The following RBFOX1 variants were observed in gnomAD, a reference collection of about 807,000 sequenced individuals.
RBFOX1 encodes the protein RNA binding protein fox-1 homolog 1.
RBFOX1 carries 8 observed loss-of-function variants against 57.7 expected under a neutral mutation model. The ratio of observed to expected loss-of-function variants is 0.14; its 90% CI spans 0.08 to 0.25. The LOEUF (loss-of-function observed/expected upper bound fraction) is 0.25, where lower values mean the gene tolerates loss of function less well. Ranked by LOEUF, RBFOX1 falls within the 10% of genes least tolerant of loss-of-function variation. The pLI is 1.00. For missense variants in RBFOX1, 611 were observed against 548.5 expected (o/e 1.11, Z -1.14); for synonymous variants, 326 against 222.4 (o/e 1.47, Z -4.15).
intron 1 of RBFOX1, among the ~76,000 whole-genome samples, chr16:6,104,638 C>T (rs897685795): frequency 1.3e-5 from 2 of 152,106 alleles, no homozygotes; most frequent in Non-Finnish European, 2.9e-5. Context: ...TTCAAAATAG[C>T]CCAGAAGTGT....
At chr16:5,775,229 C>G (rs1813371818) in intron 3 of RBFOX1, among the ~76,000 whole-genome samples, 2 of 152,182 alleles carry the variant, frequency 1.3e-5, no homozygotes, top group Non-Finnish European at 2.9e-5. Context: ...AATGTATCTC[C>G]TTACTCAACC....
intron 2 of RBFOX1, among the ~76,000 whole-genome samples, chr16:6,355,495 T>C (rs1052966946): frequency 1.3e-5 from 2 of 152,210 alleles, no homozygotes; most frequent in Admixed American, 1.3e-4. Context: ...TAGTATTCCA[T>C]GGTGTATGTG....
chr16:6,262,263 C>T (rs943426946), intron 1 of RBFOX1, among the ~76,000 whole-genome samples: 6 of 152,116 alleles, frequency 3.9e-5, no homozygotes, highest in African/African-American at 1.4e-4. Flanking sequence ...GTCACATTTC[C>T]TCTCTTTAAG....
chr16:7,685,079 A>G (rs981420792), intron 14 of RBFOX1, among the ~76,000 whole-genome samples: 6 of 152,074 alleles, frequency 3.9e-5, no homozygotes, highest in African/African-American at 1.4e-4. Flanking sequence ...GTGAGAATGT[A>G]GAATCCCAAA....
intron 4 of RBFOX1, among the ~76,000 whole-genome samples, chr16:5,885,803 C>G (rs141218308): frequency 6.6e-6 from 1 of 152,232 alleles, no homozygotes; most frequent in African/African-American, 2.4e-5. Context: ...GACCAGGTGC[C>G]CTAAAGTATC....
At chr16:6,668,943 G>T (rs560736762) in intron 3 of RBFOX1, among the ~76,000 whole-genome samples, 1 of 152,258 alleles carries the variant, frequency 6.6e-6, no homozygotes, top group South Asian at 2.1e-4. Flanking sequence ...TAAAAAGATG[G>T]CAGTGGCTTT....
chr16:5,922,484 C>T (rs887797795), intron 4 of RBFOX1, among the ~76,000 whole-genome samples: 1 of 152,162 alleles, frequency 6.6e-6, no homozygotes, highest in Admixed American at 6.5e-5. Flanking sequence ...ACTGGAAGTT[C>T]CTGCCCAGCT....
intron 1 of RBFOX1, among the ~76,000 whole-genome samples, chr16:5,426,873 G>T (rs2067576788): frequency 6.6e-6 from 1 of 152,188 alleles, no homozygotes; most frequent in Non-Finnish European, 1.5e-5. Context: ...TGCAGGGGCT[G>T]CAACCATCCC....
rs147552209 is a variant in RBFOX1 at position 7,013,896 on chromosome 16, A to C, written c.-15-38161A>C. ...CATTCTTGAGCTCTTGATCTCCAAAAATCTTCCTGCCTCAGCCTCCCAAAG... is the reference window on the plus strand; with the variant it reads ...CATTCTTGAGCTCTTGATCTCCAAACATCTTCCTGCCTCAGCCTCCCAAAG... On this transcript the variant is annotated intron_variant, in intron 3 of 15. Coordinates refer to ENST00000550418, the MANE Select transcript of RBFOX1 (RefSeq NM_018723.4). Among the ~76,000 whole-genome samples, 27 of 152,144 alleles carry C rather than the reference A, an allele frequency of 1.8e-4. No individual in the cohort carries two copies. In the East Asian group the frequency reaches 3.5e-3, roughly 20 times the overall value.
intron 3 of RBFOX1, among the ~76,000 whole-genome samples, chr16:6,941,477 G>T (rs78240750): frequency 2.0e-5 from 3 of 151,762 alleles, no homozygotes; most frequent in Admixed American, 6.6e-5. Context: ...TAAAAGTGCC[G>T]TAAACTTTTG....
intron 4 of RBFOX1, among the ~76,000 whole-genome samples, chr16:7,193,370 A>G (rs1361303330): frequency 6.6e-6 from 1 of 152,248 alleles, no homozygotes; most frequent in Non-Finnish European, 1.5e-5. Flanking sequence ...AACATGCCCC[A>G]CAAACTCCTT....
chr16:6,676,802 A>G (rs8057410), intron 3 of RBFOX1, among the ~76,000 whole-genome samples: 39,470 of 149,756 alleles, frequency 0.26, 5,354 homozygotes, highest in African/African-American at 0.32. Flanking sequence ...CAGCCTCCCT[A>G]GTAGCTGGGA....
intron 1 of RBFOX1, among the ~76,000 whole-genome samples, chr16:6,164,046 CAAAA>C: frequency 6.6e-6 from 1 of 152,268 alleles, no homozygotes; most frequent in Non-Finnish European, 1.5e-5. Context: ...TCTTATTTAA[CAAAA>C]ATTGCTGATA....
chr16:6,055,442 A>T (rs1307875628), intron 1 of RBFOX1, among the ~76,000 whole-genome samples: 3 of 151,770 alleles, frequency 2.0e-5, no homozygotes, highest in African/African-American at 4.8e-5. Context: ...AAAATACAAA[A>T]ATTAGCGAGG....
rs1237894400 is a variant in RBFOX1, at chr16:7,132,779, TG to T, written c.27+80682del. Among the ~76,000 whole-genome samples the T allele has an allele frequency of 2.0e-5, 3 of 152,098 alleles. No individual in the cohort carries two copies. In the East Asian group the frequency reaches 5.8e-4, roughly 29 times the overall value. On this transcript the variant is annotated intron_variant, in intron 4 of 15. Transcript: ENST00000550418. ...TCACTTATATAGCTATTTCAAATAC[TG>T]AAACTCTTAGAAACAGTGGGCTTAT...
At chr16:7,373,010 C>T (rs2097597877) in intron 4 of RBFOX1, among the ~76,000 whole-genome samples, 2 of 151,722 alleles carry the variant, frequency 1.3e-5, no homozygotes, top group South Asian at 2.1e-4. Flanking sequence ...TGGCTCACTG[C>T]AAGCTCCGTC....
intron 2 of RBFOX1, among the ~76,000 whole-genome samples, chr16:6,584,340 C>CATTATT (rs3045200): frequency 0.065 from 8,889 of 136,696 alleles, 353 homozygotes; most frequent in East Asian, 0.18. Context: ...GTTTTATTTT[C>CATTATT]ATTATTATTA....
intron 2 of RBFOX1, among the ~76,000 whole-genome samples, chr16:6,503,693 T>C (rs2096006437): frequency 6.6e-6 from 1 of 152,160 alleles, no homozygotes. Context: ...GGAGCATCTT[T>C]CATCCCTTCC....
chr16:6,022,976 A>G (rs1408185595), intron 1 of RBFOX1, among the ~76,000 whole-genome samples: 1 of 152,148 alleles, frequency 6.6e-6, no homozygotes, highest in East Asian at 1.9e-4. Flanking sequence ...CCTTTACTGC[A>G]TGAGGGATTC....
Sources: allele counts gnomAD v4.1 joint callset (sites outside exome capture counted in the v4.1 genomes callset), GRCh38; gene constraint gnomAD v4.1.1; transcripts MANE v1.5; gene names NCBI Gene and HGNC (gene_info 2026-07-23, HGNC 2026-07-21).